The following ZNF385B variants were observed in gnomAD, a reference collection of about 807,000 sequenced individuals.
ZNF385B encodes zinc finger protein 533.
A neutral mutation model predicts 39.2 loss-of-function variants in ZNF385B; 23 were observed. The ratio of observed to expected loss-of-function variants is 0.59; its 90% CI spans 0.42 to 0.83. The LOEUF (loss-of-function observed/expected upper bound fraction) is 0.83, where lower values mean the gene tolerates loss of function less well. Ranked by LOEUF, ZNF385B falls within the 40% of genes least tolerant of loss-of-function variation. The pLI is 0.00. For missense variants in ZNF385B, 552 were observed against 598.9 expected, an observed-to-expected ratio of 0.92 and a Z score of 0.82; for synonymous variants, 205 against 222.6, an observed-to-expected ratio of 0.92 and a Z score of 0.70.
At chr2:179,849,916 A>G (rs935510860) in intron 1 of ZNF385B, among the ~76,000 whole-genome samples, 3 of 152,188 alleles carry the variant, frequency 2.0e-5, no homozygotes, top group Admixed American at 2.0e-4. Context: ...CTCAGCTGTG[A>G]TGGGTATGCA....
intron 6 of ZNF385B, among the ~76,000 whole-genome samples, chr2:179,471,882 A>G (rs2105524328): frequency 6.6e-6 from 1 of 152,208 alleles, no homozygotes; most frequent in African/African-American, 2.4e-5. Flanking sequence ...CTAATATGTT[A>G]CTTGCTTTTT....
At position 179,801,784 on chromosome 2, in the gene ZNF385B, G is replaced by A. The variant is rs1378642028; in HGVS notation, c.-154-31112C>T. ...TCTAATGCATCTACACAAAATCACA[G>A]CACTGTGGAGGAACTAAGAAATGGA... On this transcript the variant is annotated intron_variant, in intron 1 of 9. Coordinates refer to ENST00000410066, the MANE Select transcript of ZNF385B (RefSeq NM_152520.6). 3.3e-5 allele frequency among the ~76,000 whole-genome samples: 5 copies of A among 152,232 alleles called. No homozygotes were observed. In the East Asian group the frequency reaches 9.6e-4, roughly 29 times the overall value.
chr2:179,844,993 G>A (rs1294525318), intron 1 of ZNF385B, among the ~76,000 whole-genome samples: 1 of 152,002 alleles, frequency 6.6e-6, no homozygotes, highest in African/African-American at 2.4e-5. Flanking sequence ...CCATATACCT[G>A]GGATATTCTT....
intron 1 of ZNF385B, among the ~76,000 whole-genome samples, chr2:179,821,274 T>G (rs1053935618): frequency 1.3e-5 from 2 of 152,136 alleles, no homozygotes; most frequent in African/African-American, 4.8e-5. Context: ...TTGGGGGCAG[T>G]TGAAAAGATC....
chr2:179,510,807 G>A (rs2057623571), intron 5 of ZNF385B, among the ~76,000 whole-genome samples: 1 of 152,146 alleles, frequency 6.6e-6, no homozygotes, highest in Non-Finnish European at 1.5e-5. Flanking sequence ...AAATTGAGTA[G>A]AGAAGAAAGG....
chr2:179,849,750 C>T (rs1708984970), intron 1 of ZNF385B, among the ~76,000 whole-genome samples: 3 of 152,168 alleles, frequency 2.0e-5, no homozygotes. Context: ...TAGTCATTAA[C>T]CTGATAAATA....
chr2:179,654,767 T>G (rs1693562853), intron 3 of ZNF385B, among the ~76,000 whole-genome samples: 1 of 152,160 alleles, frequency 6.6e-6, no homozygotes. Context: ...AAACTCAGAT[T>G]CTTTCATTGA....
In ZNF385B at chr2:179,444,968, T is replaced by A. The variant is rs777904953; in HGVS notation, c.1150A>T (p.Ser384Cys). The A allele has an allele frequency of 4.3e-6, 7 of 1,614,106 alleles. No homozygotes were observed. Among genetic ancestry groups the A allele is most frequent in the Non-Finnish European group, 5.9e-6 (7 of 1,179,936 alleles). ...GCAACTCGATCTTTATGCCTTCGGC[T>A]AGAAATGTGCTGAAAAAGTTTGATG... ...SEIQLKQHIS[S>C]RRHKDRVAGK... Residue 384 changes from serine (S) to cysteine (C), a missense_variant, in exon 9 of 10, where the codon AGC (serine) becomes TGC (cysteine). Transcript: ENST00000410066.
At chr2:179,626,746 G>A (rs1690696695) in intron 3 of ZNF385B, among the ~76,000 whole-genome samples, 1 of 151,994 alleles carries the variant, frequency 6.6e-6, no homozygotes, top group Admixed American at 6.6e-5. Flanking sequence ...TATTCAGCAA[G>A]CAAAGCAAAA....
At chr2:179,797,306 T>C (rs1705729609) in intron 1 of ZNF385B, among the ~76,000 whole-genome samples, 1 of 152,196 alleles carries the variant, frequency 6.6e-6, no homozygotes, top group African/African-American at 2.4e-5. Context: ...CATATTATTT[T>C]GAAGCAAACC....
intron 5 of ZNF385B, among the ~76,000 whole-genome samples, chr2:179,491,597 A>G (rs965536682): frequency 6.6e-6 from 1 of 152,196 alleles, no homozygotes; most frequent in Non-Finnish European, 1.5e-5. Flanking sequence ...AAAAATATCT[A>G]ATTTTCTCAA....
At chr2:179,581,569 A>C (rs1294942347) in intron 3 of ZNF385B, among the ~76,000 whole-genome samples, 1 of 152,170 alleles carries the variant, frequency 6.6e-6, no homozygotes, top group Non-Finnish European at 1.5e-5. Flanking sequence ...TGATTTAATG[A>C]GAATGTCATT....
intron 1 of ZNF385B, among the ~76,000 whole-genome samples, chr2:179,856,165 G>A (rs1684579563): frequency 6.6e-6 from 1 of 152,178 alleles, no homozygotes; most frequent in Non-Finnish European, 1.5e-5. Context: ...AACTGGATTA[G>A]AGGATACCAG....
chr2:179,742,314 T>C (rs1224512418), intron 3 of ZNF385B, among the ~76,000 whole-genome samples: 1 of 152,114 alleles, frequency 6.6e-6, no homozygotes. Flanking sequence ...GCCTCCATTT[T>C]GGCACTGGTA....
intron 3 of ZNF385B, among the ~76,000 whole-genome samples, chr2:179,599,846 A>G (rs1392075809): frequency 1.2e-4 from 18 of 152,218 alleles, no homozygotes; most frequent in Admixed American, 1.1e-3. Context: ...ATGGAAGTAT[A>G]TATCAGTGAT....
At chr2:179,791,170 G>A (rs1363253596) in intron 1 of ZNF385B, among the ~76,000 whole-genome samples, 5 of 152,138 alleles carry the variant, frequency 3.3e-5, no homozygotes, top group East Asian at 1.9e-4. Flanking sequence ...GGATGATTCC[G>A]ATCTACATGA....
chr2:179,728,981 T>C (rs1441121201), intron 3 of ZNF385B, among the ~76,000 whole-genome samples: 1 of 152,070 alleles, frequency 6.6e-6, no homozygotes, highest in African/African-American at 2.4e-5. Context: ...AAGTAGATTA[T>C]GCTTTAGAGT....
chr2:179,518,027 C>T (rs577639863), intron 5 of ZNF385B, among the ~76,000 whole-genome samples: 5 of 152,136 alleles, frequency 3.3e-5, no homozygotes, highest in African/African-American at 1.2e-4. Context: ...GGTTTTCTTC[C>T]ACATTTATTG....
chr2:179,731,686 T>C (rs1356245933), intron 3 of ZNF385B, among the ~76,000 whole-genome samples: 1 of 151,968 alleles, frequency 6.6e-6, no homozygotes, highest in Non-Finnish European at 1.5e-5. Flanking sequence ...ACTCAGGAGG[T>C]TGGAGTGAGA....
Sources: gnomAD v4.1 joint callset for allele counts (sites outside exome capture counted in the v4.1 genomes callset) on GRCh38, gnomAD v4.1.1 for gene constraint, MANE v1.5 for transcripts, NCBI Gene and HGNC (gene_info 2026-07-23, HGNC 2026-07-21) for gene names.